The following HYCC2 variants were observed in gnomAD, a reference collection of about 807,000 sequenced individuals.
HYCC2 encodes the protein hyccin PI4KA lipid kinase complex subunit 2, also known as hyccin 2.
the HYCC2 span, among the ~76,000 whole-genome samples, chr2:201,028,138 T>A: frequency 6.6e-6 from 1 of 152,122 alleles, no homozygotes; most frequent in African/African-American, 2.4e-5. Flanking sequence ...AAAACCAATG[T>A]GCAAAAATCA....
chr2:201,034,379 C>T, the HYCC2 span, among the ~76,000 whole-genome samples: 2 of 152,078 alleles, frequency 1.3e-5, no homozygotes, highest in Non-Finnish European at 2.9e-5. Flanking sequence ...TTTGTCTCTT[C>T]TGATCTTTGT....
chr2:201,007,641 C>T, the HYCC2 span, among the ~76,000 whole-genome samples: 4,766 of 152,182 alleles, frequency 0.031, 227 homozygotes, highest in African/African-American at 0.11. Context: ...TGTTTAGGGC[C>T]GAGACTGGTA....
the HYCC2 span, chr2:201,008,973 C>T: frequency 2.5e-6 from 4 of 1,588,576 alleles, no homozygotes; most frequent in Non-Finnish European, 3.5e-6. Context: ...TGACCATTAC[C>T]GGTTCTGTGC....
At chr2:201,037,319 A>G in the HYCC2 span, among the ~76,000 whole-genome samples, 1 of 152,332 alleles carries the variant, frequency 6.6e-6, no homozygotes, top group South Asian at 2.1e-4. Flanking sequence ...ATACTGCCCA[A>G]GGTAATTTAT....
chr2:201,032,085 C>T, the HYCC2 span, among the ~76,000 whole-genome samples: 22 of 152,172 alleles, frequency 1.4e-4, no homozygotes, highest in Non-Finnish European at 1.8e-4. Context: ...CTCAGCCTCC[C>T]GAGTATCTGG....
At chr2:201,050,703 G>A in the HYCC2 span, among the ~76,000 whole-genome samples, 1 of 152,246 alleles carries the variant, frequency 6.6e-6, no homozygotes, top group African/African-American at 2.4e-5. Context: ...GGAGGCTGAG[G>A]CAGGCAGATC....
chr2:201,049,489 T>C, the HYCC2 span, among the ~76,000 whole-genome samples: 1 of 150,642 alleles, frequency 6.6e-6, no homozygotes, highest in Non-Finnish European at 1.5e-5. Context: ...TAGCTGGGAA[T>C]ACAGGCGCGT....
the HYCC2 span, among the ~76,000 whole-genome samples, chr2:201,014,078 A>G: frequency 2.0e-5 from 3 of 152,358 alleles, no homozygotes; most frequent in Admixed American, 1.3e-4. Flanking sequence ...TTTCTATAGT[A>G]TACTAATTTT....
At chr2:201,039,521 C>T in the HYCC2 span, among the ~76,000 whole-genome samples, 1 of 152,122 alleles carries the variant, frequency 6.6e-6, no homozygotes, top group Non-Finnish European at 1.5e-5. Flanking sequence ...TAACACTAAC[C>T]TTGCCAAGGT....
chr2:201,013,829 G>A, the HYCC2 span, among the ~76,000 whole-genome samples: 18 of 152,218 alleles, frequency 1.2e-4, no homozygotes, highest in South Asian at 3.5e-3. Flanking sequence ...ATCTTTGCAG[G>A]TATTTGTGAA....
chr2:201,032,636 T>C, the HYCC2 span, among the ~76,000 whole-genome samples: 26 of 152,324 alleles, frequency 1.7e-4, no homozygotes, highest in Non-Finnish European at 3.7e-4. Flanking sequence ...CATTATCTTT[T>C]CTAACTAGTT....
chr2:201,040,485 A>AT, the HYCC2 span, among the ~76,000 whole-genome samples: 7 of 149,380 alleles, frequency 4.7e-5, no homozygotes, highest in African/African-American at 1.5e-4. Flanking sequence ...GAATCTCATA[A>AT]TTTTTTTTTG....
the HYCC2 span, among the ~76,000 whole-genome samples, chr2:201,058,233 C>A: frequency 5.1e-4 from 77 of 152,320 alleles, no homozygotes; most frequent in Non-Finnish European, 1.0e-3. Flanking sequence ...CACAGAAGTT[C>A]TCAACATAGC....
chr2:201,017,192 CT>C, the HYCC2 span: 1 of 1,576,142 alleles, frequency 6.3e-7, no homozygotes, highest in Admixed American at 1.9e-5. Flanking sequence ...ATAAAGTGCA[CT>C]GGTCATTTCA....
chr2:201,032,533 AT>A, the HYCC2 span, among the ~76,000 whole-genome samples: 2 of 152,130 alleles, frequency 1.3e-5, no homozygotes, highest in Non-Finnish European at 2.9e-5. Context: ...CTTAGTATAA[AT>A]TTTGTATTTT....
At chr2:201,023,032 G>T in the HYCC2 span, 1 of 754,160 alleles carries the variant, frequency 1.3e-6, no homozygotes, top group Non-Finnish European at 2.2e-6. Flanking sequence ...ACAAACTCAA[G>T]TGAGAAAAGT....
the HYCC2 span, among the ~76,000 whole-genome samples, chr2:201,070,965 C>G: frequency 6.6e-6 from 1 of 152,172 alleles, no homozygotes; most frequent in Non-Finnish European, 1.5e-5. Context: ...ACTACTCTAT[C>G]CTCCATGCTA....
chr2:201,063,099 CAG>C, the HYCC2 span: 69 of 1,609,328 alleles, frequency 4.3e-5, no homozygotes, highest in Non-Finnish European at 5.3e-5. Context: ...ATGTCTAAGT[CAG>C]AGTCTCCTAA....
chr2:201,051,774 A>G, the HYCC2 span, among the ~76,000 whole-genome samples: 2 of 152,210 alleles, frequency 1.3e-5, no homozygotes, highest in Non-Finnish European at 2.9e-5. Context: ...GGTATTAAGC[A>G]TATGTATTGC....
Sources: gnomAD v4.1 joint callset for allele counts (sites outside exome capture counted in the v4.1 genomes callset) on GRCh38, gnomAD v4.1.1 for gene constraint, MANE v1.5 for transcripts, NCBI Gene and HGNC (gene_info 2026-07-23, HGNC 2026-07-21) for gene names.